The following P2RY8 variants were observed in gnomAD, a reference collection of about 807,000 sequenced individuals.
P2RY8 encodes the protein P2Y receptor family member 8, also known as S-geranylgeranyl-glutathione receptor P2RY8.
P2RY8 carries 6 observed loss-of-function variants against 10.0 expected under a neutral mutation model. The observed-to-expected ratio is 0.60, with a 90% CI of 0.33 to 1.19. P2RY8 has a LOEUF of 1.19. Among genes scored for constraint, P2RY8 ranks in the 50% most tolerant of loss-of-function variants. The pLI is 0.04. For missense variants in P2RY8, 456 were observed against 542.0 expected (o/e 0.84, Z 1.58); for synonymous variants, 276 against 252.5 (o/e 1.09, Z -0.88).
At chrX:1,467,588 GAA>G (rs1401814627) in intron 1 of P2RY8, among the ~76,000 whole-genome samples, 1 of 152,214 alleles carries the variant, frequency 6.6e-6, no homozygotes, top group African/African-American at 2.4e-5. Flanking sequence ...AGCTGGTGAT[GAA>G]AAAGTGTCTG....
rs181969283 is a variant in P2RY8, at chrX:1,528,414, G to A, written c.-25+8507C>T. Among the ~76,000 whole-genome samples, 421 of 152,358 alleles carry A rather than the reference G, an allele frequency of 2.8e-3. 3 individuals are homozygous for A. Among genetic ancestry groups the A allele is most frequent in the African/African-American group, 9.1e-3 (377 of 41,576 alleles). On this transcript the variant is annotated intron_variant, in intron 1 of 1. Transcript: ENST00000381297. ...CTACTGCTGCACAACTGCCCCTTGAGGAGGCCATCACAGCTCTGAGCAGCA... is the reference window on the plus strand; with the variant it reads ...CTACTGCTGCACAACTGCCCCTTGAAGAGGCCATCACAGCTCTGAGCAGCA...
Position 1,479,469 on chromosome X carries a change from T to G in P2RY8, c.-24-12887A>C, listed in dbSNP as rs180734309. Reference sequence around the variant, plus strand: ...TGCTGATTTGAAGGGTTTGCATATTTTAAATGGAATGCATGTATTAGAAAG... The same window carrying G: ...TGCTGATTTGAAGGGTTTGCATATTGTAAATGGAATGCATGTATTAGAAAG... On this transcript the variant is annotated intron_variant, in intron 1 of 1. Coordinates refer to ENST00000381297, the MANE Select transcript of P2RY8 (RefSeq NM_178129.5). Among the ~76,000 whole-genome samples, 532 of 152,354 alleles carry G rather than the reference T, an allele frequency of 3.5e-3. 1 individual carries two copies. Among genetic ancestry groups the G allele is most frequent in the African/African-American group, 0.012 (507 of 41,578 alleles).
At chrX:1,468,746 T>TTCC (rs2091729615) in intron 1 of P2RY8, among the ~76,000 whole-genome samples, 1 of 28,320 alleles carries the variant, frequency 3.5e-5, no homozygotes, top group African/African-American at 1.4e-4. Context: ...TCCTCTCTCC[T>TTCC]CTCTCCCCTC....
intron 1 of P2RY8, among the ~76,000 whole-genome samples, chrX:1,477,055 G>A (rs1363698750): frequency 6.6e-6 from 1 of 152,106 alleles, no homozygotes; most frequent in African/African-American, 2.4e-5. Context: ...CAGGTGTGGT[G>A]GCGGGTGCCT....
intron 1 of P2RY8, among the ~76,000 whole-genome samples, chrX:1,522,515 G>C (rs1241621909): frequency 6.6e-6 from 1 of 152,206 alleles, no homozygotes; most frequent in African/African-American, 2.4e-5. Context: ...ACACTGGCCA[G>C]GCACGTTGTC....
At chrX:1,532,958 G>T (rs185993217) in intron 1 of P2RY8, among the ~76,000 whole-genome samples, 1 of 121,140 alleles carries the variant, frequency 8.3e-6, no homozygotes. Context: ...AGCCGAGATC[G>T]CGCCACTGCT....
intron 1 of P2RY8, among the ~76,000 whole-genome samples, chrX:1,515,520 C>T (rs1423946595): frequency 6.6e-5 from 10 of 151,494 alleles, no homozygotes; most frequent in East Asian, 3.9e-4. Context: ...TACAGGTGCC[C>T]GCCATCACAC....
chrX:1,496,473 C>T (rs1270768556), intron 1 of P2RY8, among the ~76,000 whole-genome samples: 1 of 152,004 alleles, frequency 6.6e-6, no homozygotes, highest in African/African-American at 2.4e-5. Context: ...CAGAGGGTTT[C>T]TCTCTCTCTC....
At chrX:1,514,955 G>A (rs1411777895) in intron 1 of P2RY8, among the ~76,000 whole-genome samples, 1 of 136,320 alleles carries the variant, frequency 7.3e-6, no homozygotes, top group Non-Finnish European at 1.6e-5. Flanking sequence ...CCTGGCTGAA[G>A]TGCGGTGACA....
intron 1 of P2RY8, among the ~76,000 whole-genome samples, chrX:1,523,078 A>AAAAT (rs527900056): frequency 0.74 from 99,792 of 134,480 alleles, 37,569 homozygotes; most frequent in East Asian, 0.81. Context: ...CCCACTGCCA[A>AAAAT]AAATAAATAA....
At chrX:1,521,944 CTTTTTT>C (rs751056296) in intron 1 of P2RY8, among the ~76,000 whole-genome samples, 45 of 39,028 alleles carry the variant, frequency 1.2e-3, no homozygotes, top group African/African-American at 3.3e-3. Context: ...CTCTCGCTCT[CTTTTTT>C]TTTTTTTTTT....
intron 1 of P2RY8, among the ~76,000 whole-genome samples, chrX:1,524,645 A>T (rs866141580): frequency 7.1e-5 from 3 of 42,248 alleles, no homozygotes; most frequent in Non-Finnish European, 1.4e-4. Context: ...ATCCATCCAT[A>T]CATCCATCCA....
intron 1 of P2RY8, among the ~76,000 whole-genome samples, chrX:1,491,892 A>AATGC (rs1238557055): frequency 6.6e-6 from 1 of 152,090 alleles, no homozygotes; most frequent in African/African-American, 2.4e-5. Context: ...TGCATGAATG[A>AATGC]ATGCATGAAT....
intron 1 of P2RY8, among the ~76,000 whole-genome samples, chrX:1,509,806 T>TATC (rs2092284336): frequency 5.1e-5 from 4 of 78,374 alleles, no homozygotes; most frequent in Non-Finnish European, 6.4e-5. Flanking sequence ...CCTATCTATC[T>TATC]ATCTATCTAT....
At position 1,464,173 on chromosome X, in the gene P2RY8, T is replaced by C. The variant is rs753875563; in HGVS notation, c.*1306A>G. 327 of 233,420 alleles carry C rather than the reference T, an allele frequency of 1.4e-3. 4 individuals carry two copies. The highest frequency in any genetic ancestry group is 6.6e-3 in the African/African-American group (302 of 45,472). 14.5% of individuals were successfully genotyped at this position (233,420 alleles called of 1,614,324 possible). ...GTGGGCAGACAGGCAGCTCTCCCAC[T>C]CCCACCTCCAGAATGGTCTTTCTCG... On this transcript the variant is annotated 3_prime_UTR_variant, in exon 2 of 2. Coordinates refer to ENST00000381297, the MANE Select transcript of P2RY8 (RefSeq NM_178129.5).
intron 1 of P2RY8, among the ~76,000 whole-genome samples, chrX:1,487,756 T>G (rs1229021848): frequency 6.6e-6 from 1 of 152,130 alleles, no homozygotes; most frequent in Non-Finnish European, 1.5e-5. Flanking sequence ...CCTGGCCTGC[T>G]GGGCAGGTGC....
chrX:1,506,755 A>G (rs1165165683), intron 1 of P2RY8, among the ~76,000 whole-genome samples: 6 of 150,738 alleles, frequency 4.0e-5, no homozygotes, highest in Non-Finnish European at 5.9e-5. Flanking sequence ...TTGGCTCACT[A>G]CAACCTCTGC....
Position 1,506,252 on chromosome X carries a change from C to T in P2RY8, c.-25+30669G>A, listed in dbSNP as rs772908434. ...AGACGACCCGCCTGCCTGAGCCTCCCAAACTGCTGGGATGACGGGTGTGAG... is the reference window on the plus strand; with the variant it reads ...AGACGACCCGCCTGCCTGAGCCTCCTAAACTGCTGGGATGACGGGTGTGAG... On this transcript the variant is annotated intron_variant, in intron 1 of 1. Coordinates refer to ENST00000381297, the MANE Select transcript of P2RY8 (RefSeq NM_178129.5). Among the ~76,000 whole-genome samples the T allele has an allele frequency of 5.3e-5, 8 of 152,232 alleles. No individual in the cohort carries two copies. In the East Asian group the frequency reaches 1.5e-3, roughly 29 times the overall value.
At chrX:1,484,453 G>A (rs1384532778) in intron 1 of P2RY8, among the ~76,000 whole-genome samples, 2 of 152,094 alleles carry the variant, frequency 1.3e-5, no homozygotes, top group African/African-American at 2.4e-5. Flanking sequence ...CAGGCCGGGC[G>A]CGGTGGCTCA....
Sources: gnomAD v4.1 joint callset for allele counts (sites outside exome capture counted in the v4.1 genomes callset) on GRCh38, gnomAD v4.1.1 for gene constraint, MANE v1.5 for transcripts, NCBI Gene and HGNC (gene_info 2026-07-23, HGNC 2026-07-21) for gene names.